Variants in ADCY2 observed in about 807,000 individuals in gnomAD.
ADCY2 encodes the protein adenylate cyclase type 2.
In ADCY2, 31 loss-of-function variants were observed where a neutral mutation model predicts 125.2. That is an observed-to-expected ratio of 0.25 (90% CI 0.19 to 0.33). ADCY2 has a LOEUF of 0.33. Ranked by LOEUF, ADCY2 falls within the 10% of genes least tolerant of loss-of-function variation. The pLI is 1.00. For synonymous variants in ADCY2, 512 were observed against 548.4 expected (o/e 0.93, Z 0.93); for missense variants, 904 against 1,418.2 (o/e 0.64, Z 5.82).
At position 7,404,589 on chromosome 5, in the gene ADCY2, A is replaced by C. The variant is rs531160590; in HGVS notation, c.210+8083A>C. On this transcript the variant is annotated intron_variant, in intron 1 of 24. Transcript: ENST00000338316. ...GGAGGAAAAGCTTGCTTCCATGTCT[A>C]ACTACTGGCGATGAACACTTTCCAC... 3.2e-4 allele frequency among the ~76,000 whole-genome samples: 48 copies of C among 152,358 alleles called. 2 individuals carry two copies. The South Asian group carries it at 9.7e-3, about 31-fold the overall frequency.
chr5:7,502,239 C>G (rs970417520), intron 2 of ADCY2, among the ~76,000 whole-genome samples: 3 of 152,204 alleles, frequency 2.0e-5, no homozygotes, highest in Non-Finnish European at 4.4e-5. Context: ...TGCCTAAGCA[C>G]ACTATGCTAT....
At chr5:7,434,856 G>T (rs1411858489) in intron 2 of ADCY2, among the ~76,000 whole-genome samples, 1 of 152,192 alleles carries the variant, frequency 6.6e-6, no homozygotes, top group African/African-American at 2.4e-5. Flanking sequence ...CTGTGCTGTG[G>T]GAGGCCTGCA....
At chr5:7,404,061 G>C (rs548500282) in intron 1 of ADCY2, among the ~76,000 whole-genome samples, 1 of 151,972 alleles carries the variant, frequency 6.6e-6, no homozygotes, top group African/African-American at 2.4e-5. Context: ...TAGTAAGATT[G>C]TCTAGTATTT....
At chr5:7,471,559 A>C (rs1007032750) in intron 2 of ADCY2, among the ~76,000 whole-genome samples, 1 of 152,126 alleles carries the variant, frequency 6.6e-6, no homozygotes, top group East Asian at 1.9e-4. Flanking sequence ...TACCTATGCT[A>C]CAAATCTATA....
chr5:7,614,621 C>T (rs1293013823), intron 3 of ADCY2, among the ~76,000 whole-genome samples: 2 of 152,206 alleles, frequency 1.3e-5, no homozygotes, highest in African/African-American at 4.8e-5. Context: ...TCACTCTTCT[C>T]ACCCTGCTGT....
chr5:7,667,006 G>T (rs763281720), intron 4 of ADCY2, among the ~76,000 whole-genome samples: 1 of 152,234 alleles, frequency 6.6e-6, no homozygotes, highest in Non-Finnish European at 1.5e-5. Context: ...TTTGTCCTCA[G>T]TAGCTAGCGC....
intron 3 of ADCY2, among the ~76,000 whole-genome samples, chr5:7,610,228 T>C (rs1193597392): frequency 1.3e-5 from 2 of 152,046 alleles, no homozygotes; most frequent in Non-Finnish European, 2.9e-5. Flanking sequence ...AGGGAGAACT[T>C]GGGGGAATTT....
At chr5:7,437,852 G>A (rs181847562) in intron 2 of ADCY2, among the ~76,000 whole-genome samples, 3 of 152,314 alleles carry the variant, frequency 2.0e-5, no homozygotes, top group Admixed American at 6.5e-5. Context: ...ATAAACTTTT[G>A]CAGTAATGAC....
intron 2 of ADCY2, among the ~76,000 whole-genome samples, chr5:7,458,397 A>C (rs532396109): frequency 6.6e-6 from 1 of 152,332 alleles, no homozygotes; most frequent in East Asian, 1.9e-4. Flanking sequence ...GCAGTTATTT[A>C]GTTATTTATA....
At chr5:7,713,046 T>C in intron 11 of ADCY2, 147 bp downstream of exon 11, 1 of 590,012 alleles carries the variant, frequency 1.7e-6, no homozygotes, top group Non-Finnish European at 2.9e-6. Context: ...TTTCAGCTTC[T>C]AAAAATAGAA....
At chr5:7,769,076 C>T (rs539130101) in intron 17 of ADCY2, among the ~76,000 whole-genome samples, 1 of 152,298 alleles carries the variant, frequency 6.6e-6, no homozygotes, top group South Asian at 2.1e-4. Flanking sequence ...CAGTTCACTG[C>T]TGGTGGTGGT....
chr5:7,494,090 A>T lies in ADCY2; in HGVS notation c.409-26648A>T, dbSNP rs533116601. ...CAAATATGTGCAGACAGGGGCCCCC[A>T]GTGATGAGAGGCACAAGCTGGTGCT... On this transcript the variant is annotated intron_variant, in intron 2 of 24. Transcript: ENST00000338316. 8.5e-4 allele frequency among the ~76,000 whole-genome samples: 129 copies of T among 152,236 alleles called. 1 individual carries two copies. In the East Asian group the frequency reaches 0.016, roughly 19 times the overall value.
intron 2 of ADCY2, among the ~76,000 whole-genome samples, chr5:7,481,327 C>A (rs1300487172): frequency 6.6e-6 from 1 of 152,126 alleles, no homozygotes; most frequent in Admixed American, 6.5e-5. Flanking sequence ...AGTGCAGTGG[C>A]ACGATCTCGG....
intron 19 of ADCY2, 87 bp downstream of exon 19, chr5:7,784,536 C>A (rs1744025569): frequency 1.0e-6 from 1 of 963,794 alleles, no homozygotes; most frequent in East Asian, 2.5e-5. Flanking sequence ...AGTTAATCTT[C>A]TTGGAAACAA....
chr5:7,715,797 T>G (rs1741576133), intron 11 of ADCY2, among the ~76,000 whole-genome samples: 1 of 152,184 alleles, frequency 6.6e-6, no homozygotes, highest in African/African-American at 2.4e-5. Context: ...TAATGATAAT[T>G]CTGTGAGATT....
chr5:7,760,491 A>G (rs1357774389), intron 16 of ADCY2, among the ~76,000 whole-genome samples: 1 of 152,174 alleles, frequency 6.6e-6, no homozygotes, highest in Non-Finnish European at 1.5e-5. Flanking sequence ...GCCCGTCAGG[A>G]GTGTGTTCAC....
intron 2 of ADCY2, among the ~76,000 whole-genome samples, chr5:7,464,515 A>G (rs1212963384): frequency 6.6e-6 from 1 of 152,178 alleles, no homozygotes; most frequent in Non-Finnish European, 1.5e-5. Flanking sequence ...ATTGTGAGAT[A>G]ACCATTGCAG....
intron 2 of ADCY2, among the ~76,000 whole-genome samples, chr5:7,504,636 A>G (rs1743735056): frequency 2.4e-5 from 3 of 126,940 alleles, no homozygotes; most frequent in Admixed American, 8.7e-5. Context: ...TTTTTTTGAC[A>G]GGGTCTTGCT....
chr5:7,703,574 G>A (rs1268572703), intron 7 of ADCY2, among the ~76,000 whole-genome samples: 1 of 152,128 alleles, frequency 6.6e-6, no homozygotes, highest in African/African-American at 2.4e-5. Flanking sequence ...GTTCTGTTCC[G>A]TTGGTCTATA....
Sources: allele counts gnomAD v4.1 joint callset (sites outside exome capture counted in the v4.1 genomes callset), GRCh38; gene constraint gnomAD v4.1.1; transcripts MANE v1.5; gene names NCBI Gene and HGNC (gene_info 2026-07-23, HGNC 2026-07-21).